DOCK6: variants seen among roughly 807,000 people sequenced by gnomAD.
The protein encoded by DOCK6 is dedicator of cytokinesis protein 6.
Under a neutral mutation model 230.3 loss-of-function variants are expected in DOCK6, and 167 were observed. The ratio of observed to expected loss-of-function variants is 0.73; its 90% CI spans 0.64 to 0.82. The LOEUF is 0.82. DOCK6 is among the 40% of genes least tolerant of loss of function. The pLI is 0.00. For synonymous variants in DOCK6, 1,148 were observed against 1,185.0 expected (o/e 0.97, Z 0.64); for missense variants, 2,598 against 2,825.8 (o/e 0.92, Z 1.83).
At chr19:11,209,137 G>T in intron 37 of DOCK6, 34 bp from the exon 38 acceptor site, 1 of 1,586,926 alleles carries the variant, frequency 6.3e-7, no homozygotes, top group Non-Finnish European at 8.6e-7. Context: ...GTGAGGAGGG[G>T]ACTCACCTGG....
At chr19:11,225,318 T>C (rs911268834) in intron 24 of DOCK6, among the ~76,000 whole-genome samples, 3 of 152,200 alleles carry the variant, frequency 2.0e-5, no homozygotes, top group Admixed American at 1.3e-4. Context: ...CCCCTGGGAA[T>C]GTCAGTCTTT....
chr19:11,201,960 T>G lies in DOCK6; in HGVS notation c.5617A>C (p.Lys1873Gln), dbSNP rs753162763. The G allele has an allele frequency of 6.2e-7, 1 of 1,613,286 alleles. No individual in the cohort carries two copies. The highest frequency in any genetic ancestry group is 8.5e-7 in the Non-Finnish European group (1 of 1,179,610). ...HGELPEQHKR[K>Q]TLLSTDHAFP... is the part of the protein sequence containing the mutation. Reference sequence around the variant, plus strand: ...GCGTGGTCGGTGCTGAGCAGCGTCTTACGCTTGTGTTGCTCGGGCAGCTCC... The same window carrying G: ...GCGTGGTCGGTGCTGAGCAGCGTCTGACGCTTGTGTTGCTCGGGCAGCTCC... Residue 1873 changes from lysine (K) to glutamine (Q), a missense_variant, in exon 44 of 48, where the codon AAG becomes CAG. Physicochemically the swap from Lys to Gln is moderately conservative, Grantham distance 53. Coordinates refer to ENST00000294618, the MANE Select transcript of DOCK6 (RefSeq NM_020812.4). The surrounding 1 kb of genome is among the most constrained non-coding windows in gnomAD (Gnocchi z 4.3).
In DOCK6 at chr19:11,242,075, C is replaced by A. The variant is rs762793134; in HGVS notation, c.1613G>T (p.Arg538Leu). Residue 538 changes from arginine (R) to leucine (L), a missense_variant, in exon 14 of 48, where the codon CGC (arginine) becomes CTC (leucine). By Grantham distance (102) the Arg-to-Leu change is moderately radical. Coordinates refer to ENST00000294618, the MANE Select transcript of DOCK6 (RefSeq NM_020812.4). The part of the protein sequence containing the change: ...PTKEILEFPA[R>L]EVYAPHTSYR... ...GCTGGTATGGGGGGCATAGACTTCG[C>A]GGGCGGGGAACTCCAGAATCTCCTT... The A allele has an allele frequency of 1.3e-6, 2 of 1,548,060 alleles. No homozygotes were observed. Among genetic ancestry groups the A allele is most frequent in the Non-Finnish European group, 8.7e-7 (1 of 1,154,682 alleles).
chr19:11,223,198 G>A (rs2079609427), intron 24 of DOCK6, 92 bp from the exon 25 acceptor site: 1 of 1,134,740 alleles, frequency 8.8e-7, no homozygotes, highest in Non-Finnish European at 1.3e-6. Flanking sequence ...ACCCCTAGGA[G>A]CTGTATCACT....
chr19:11,250,212 T>C (rs533065235), intron 6 of DOCK6, among the ~76,000 whole-genome samples: 41 of 152,060 alleles, frequency 2.7e-4, no homozygotes, highest in African/African-American at 8.9e-4. Context: ...GGTTTCACCA[T>C]GTTGGTCAGG....
rs539660006 is a variant in DOCK6 at position 11,201,897 on chromosome 19, G to T, written c.5680C>A (p.Arg1894=). 9.6e-6 allele frequency: 11 copies of T among 1,150,060 alleles called. No homozygotes were observed. The highest frequency in any genetic ancestry group is 6.0e-5 in the Admixed American group (2 of 33,596). The allele number at this position is 1,150,060 out of a possible 1,614,324, so 71.2% of individuals were successfully genotyped here. The change falls in exon 44 of 48, where the codon CGG becomes AGG. Residue 1894 remains arginine, a synonymous_variant. Transcript: ENST00000294618. This position sits in a 1 kb window ranked among gnomAD's most constrained non-coding sequence, Gnocchi z 4.3. ...YIKTRIRVCH[R]EETVLTPVEV... ...CCAGGATCCCCACCCACCTCCTCCC[G>T]GTGGCACACACGGATGCGAGTCTTG...
chr19:11,261,906 G>C (rs560058292), intron 1 of DOCK6, among the ~76,000 whole-genome samples: 1 of 152,210 alleles, frequency 6.6e-6, no homozygotes, highest in South Asian at 2.1e-4. Context: ...CTCCTCGAGG[G>C]GTTTCAAACG....
chr19:11,262,406 T>G lies in DOCK6; in HGVS notation c.35A>C (p.Lys12Thr). The G allele has an allele frequency of 7.8e-7, 1 of 1,277,890 alleles. No homozygotes were observed. The allele number at this position is 1,277,890 out of a possible 1,614,324, so 79.2% of individuals were successfully genotyped here. A position where few individuals can be genotyped will look rare whatever the true frequency, so the allele number is the denominator to read the frequency against. ...CCCGCGGCCACACTACCTGTTGATCTTGTGCGCGAAGGCGCGGCGCTCGGA... is the reference window on the plus strand; with the variant it reads ...CCCGCGGCCACACTACCTGTTGATCGTGTGCGCGAAGGCGCGGCGCTCGGA... ...AASERRAFAH[K>T]INRTVAAEVR... is the part of the protein sequence containing the mutation. The change falls in exon 1 of 48, where the codon AAG becomes ACG. Residue 12 changes from lysine to threonine, a missense_variant. By Grantham distance (78) the Lys-to-Thr change is moderately conservative. Coordinates refer to ENST00000294618, the MANE Select transcript of DOCK6 (RefSeq NM_020812.4).
chr19:11,252,890 A>G lies in DOCK6; in HGVS notation c.201T>C (p.Ala67=). The change falls in exon 3 of 48, where the codon GCT becomes GCC. Residue 67 remains alanine (A), a synonymous_variant. Transcript: ENST00000294618. The part of the protein sequence containing the change: ...EDVLLSRPPD[A]EPGPLRDLVE... ...CCAGGTCCCTGAGGGGCCCGGGCTC[A>G]GCATCTGGTGGCCGGCTCAGAAGTA... is the stretch of plus-strand genomic sequence containing the variant. 6.2e-7 allele frequency: 1 copy of G among 1,613,826 alleles called. No homozygotes were observed.
In DOCK6 at chr19:11,200,179, A is replaced by C; in HGVS notation, c.6101+129T>G. The C allele has an allele frequency of 9.5e-7, 1 of 1,048,620 alleles. No homozygotes were observed. The highest frequency in any genetic ancestry group is 1.3e-6 in the Non-Finnish European group (1 of 755,866). The allele number at this position is 1,048,620 out of a possible 1,614,324, so 65.0% of individuals were successfully genotyped here. On this transcript the variant is annotated intron_variant, in intron 47 of 47. Transcript: ENST00000294618. This position sits in a 1 kb window ranked among gnomAD's most constrained non-coding sequence, Gnocchi z 4.3. ...AAAAAACAAAAAAAAAACCGGAAAC[A>C]AAACAAAGTCCAAGCTACCAGCAAA...
In DOCK6 at chr19:11,243,278, C is replaced by T. The variant is rs772798677; in HGVS notation, c.1366G>A (p.Val456Ile). Residue 456 changes from valine to isoleucine, a missense_variant, in exon 12 of 48, where the codon GTC becomes ATC. By Grantham distance (29) the Val-to-Ile change is conservative. Coordinates refer to ENST00000294618, the MANE Select transcript of DOCK6 (RefSeq NM_020812.4). This position sits in a 1 kb window ranked among gnomAD's most constrained non-coding sequence, Gnocchi z 6.3. ...GACACCTGCTTAAAGAAGTTTGTGA[C>T]AGTTAGCGTGGCTGGACGGAAGCCA... Reference protein sequence around the residue: ...FSGFRPATLTVTNFFKQEAER... With the variant: ...FSGFRPATLTITNFFKQEAER... 13 of 1,609,652 alleles carry T rather than the reference C, an allele frequency of 8.1e-6. No individual in the cohort carries two copies. Among genetic ancestry groups the T allele is most frequent in the South Asian group, 5.5e-5 (5 of 90,330 alleles).
chr19:11,209,761 C>G (rs1458610842), intron 37 of DOCK6, among the ~76,000 whole-genome samples: 2 of 104,804 alleles, frequency 1.9e-5, no homozygotes, highest in Non-Finnish European at 4.3e-5. Context: ...CCTGTCCACC[C>G]CCTCACTGTC....
Position 11,235,598 on chromosome 19 carries a change from C to T in DOCK6, c.2554G>A (p.Gly852Arg). 1 of 1,582,246 alleles carries T rather than the reference C, an allele frequency of 6.3e-7. No individual in the cohort carries two copies. Among genetic ancestry groups the T allele is most frequent in the Admixed American group, 1.8e-5 (1 of 56,778 alleles). Residue 852 changes from glycine (G) to arginine (R), a missense_variant and splice_region_variant, in exon 21 of 48, where the codon GGG (glycine) becomes AGG (arginine). Gly to Arg is a moderately radical substitution (Grantham distance 125, BLOSUM62 -2). Coordinates refer to ENST00000294618, the MANE Select transcript of DOCK6 (RefSeq NM_020812.4). Reference protein sequence around the residue: ...LPGTEPSLPDGAPPVTVQAAT... With the variant: ...LPGTEPSLPDRAPPVTVQAAT... ...CTCACAGGGATTTCTACAAACTCAC[C>T]ATCCGGGAGGCTGGGCTCAGTGCCA... is the stretch of plus-strand genomic sequence containing the variant.
In DOCK6 at chr19:11,199,492, T is replaced by C. The variant is rs753962712; in HGVS notation, c.*5A>G. The C allele has an allele frequency of 3.2e-6, 5 of 1,580,818 alleles. No individual in the cohort carries two copies. The East Asian group carries it at 1.2e-4, about 36-fold the overall frequency. ...CCTCTAGGTACAGCTTTGGTCCTTG[T>C]GGGCTCAGAGGTCTGCCTTTCGGAA... is the stretch of plus-strand genomic sequence containing the variant. On this transcript the variant is annotated 3_prime_UTR_variant, in exon 48 of 48. Transcript: ENST00000294618.
At chr19:11,209,162 C>T in intron 37 of DOCK6, 59 bp from the exon 38 acceptor site, 2 of 1,545,560 alleles carry the variant, frequency 1.3e-6, no homozygotes, top group Non-Finnish European at 1.8e-6. Flanking sequence ...CCCCACCTGC[C>T]TCCCACTTGT....
At chr19:11,244,107 C>T (rs2079995026) in intron 9 of DOCK6, among the ~76,000 whole-genome samples, 1 of 152,198 alleles carries the variant, frequency 6.6e-6, no homozygotes. Context: ...CCCCTAACCT[C>T]CAAGCCTACC....
At chr19:11,209,465 T>A (rs549479254) in intron 37 of DOCK6, among the ~76,000 whole-genome samples, 85 of 151,658 alleles carry the variant, frequency 5.6e-4, no homozygotes, top group African/African-American at 2.0e-3. Flanking sequence ...TCCCCTCACC[T>A]GTCCACCCCC....
rs746889768 is a variant in DOCK6, at chr19:11,252,507, C to T, written c.352G>A (p.Glu118Lys). 6 of 1,613,872 alleles carry T rather than the reference C, an allele frequency of 3.7e-6. No homozygotes were observed. Among genetic ancestry groups the T allele is most frequent in the Non-Finnish European group, 5.1e-6 (6 of 1,179,892 alleles). ...CTTCTGTGGACAATGACCCAGTCCT[C>T]AATATACATCTCCACCGCGGCCCTC... ...QVRAAVEMYI[E>K]DWVIVHRRYQ... The change falls in exon 4 of 48, where the codon GAG becomes AAG. Residue 118 changes from glutamate to lysine, a missense_variant. By Grantham distance (56) the Glu-to-Lys change is moderately conservative (BLOSUM62 1). Transcript: ENST00000294618.
intron 14 of DOCK6, 179 bp downstream of exon 14, chr19:11,241,866 A>G (rs1034387478): frequency 1.6e-6 from 2 of 1,284,294 alleles, no homozygotes; most frequent in Non-Finnish European, 1.1e-6. Flanking sequence ...ATGTAGCCCC[A>G]TTGGGGAGGG....
Sources: gnomAD v4.1 joint callset for allele counts (sites outside exome capture counted in the v4.1 genomes callset) on GRCh38, gnomAD v4.1.1 for gene constraint, Gnocchi (gnomAD v3.1) non-coding constraint, MANE v1.5 for transcripts, NCBI Gene and HGNC (gene_info 2026-07-23, HGNC 2026-07-21) for gene names.